ERC1: variants seen among roughly 807,000 people sequenced by gnomAD.
ERC1 encodes ELKS/RAB6-interacting/CAST family member 1, also known as RAB6 interacting protein 2.
Under a neutral mutation model 132.0 loss-of-function variants are expected in ERC1, and 56 were observed. The ratio of observed to expected loss-of-function variants is 0.42; its 90% CI spans 0.34 to 0.53. ERC1 has a LOEUF of 0.53. ERC1 is among the 20% of genes least tolerant of loss of function. ERC1 has a pLI of 0.03. For missense variants in ERC1, 1,202 were observed against 1,349.9 expected (o/e 0.89, Z 1.72); for synonymous variants, 478 against 476.1 (o/e 1.00, Z -0.05).
At chr12:1,096,113 A>G (rs1369739077) in intron 3 of ERC1, among the ~76,000 whole-genome samples, 2 of 152,038 alleles carry the variant, frequency 1.3e-5, no homozygotes, top group African/African-American at 4.8e-5. Context: ...TTTTTCATAG[A>G]GATGGGGATT....
At chr12:1,143,745 G>A (rs1474954084) in intron 8 of ERC1, among the ~76,000 whole-genome samples, 3 of 151,838 alleles carry the variant, frequency 2.0e-5, no homozygotes, top group African/African-American at 4.8e-5. Context: ...ATCTTTCCAT[G>A]AATTCATTTT....
At chr12:1,283,894 A>G (rs2078862176) in intron 14 of ERC1, among the ~76,000 whole-genome samples, 1 of 152,192 alleles carries the variant, frequency 6.6e-6, no homozygotes, top group Admixed American at 6.5e-5. Flanking sequence ...TCTAACATCT[A>G]TTATTTCCTT....
At chr12:1,096,070 A>G (rs114006832) in intron 3 of ERC1, among the ~76,000 whole-genome samples, 3,087 of 151,866 alleles carry the variant, frequency 0.02, 118 homozygotes, top group African/African-American at 0.069. Context: ...GGGACTACAC[A>G]TGAGCACCAC....
intron 2 of ERC1, among the ~76,000 whole-genome samples, chr12:1,039,350 A>AT (rs1565838834): frequency 6.8e-6 from 1 of 147,754 alleles, no homozygotes; most frequent in Non-Finnish European, 1.5e-5. Context: ...AAAAAAAAAA[A>AT]AATAAAAATA....
At chr12:1,233,950 G>T (rs961956484) in intron 12 of ERC1, among the ~76,000 whole-genome samples, 1 of 152,138 alleles carries the variant, frequency 6.6e-6, no homozygotes, top group Non-Finnish European at 1.5e-5. Flanking sequence ...TTGAGGAATT[G>T]TTAATTTTGT....
chr12:1,094,655 C>T (rs1943775445), intron 3 of ERC1, among the ~76,000 whole-genome samples: 2 of 152,184 alleles, frequency 1.3e-5, no homozygotes, highest in African/African-American at 4.8e-5. Context: ...AAGTGATTCG[C>T]TGGTCTTGGC....
intron 8 of ERC1, among the ~76,000 whole-genome samples, chr12:1,148,494 G>A (rs1321872630): frequency 6.6e-6 from 1 of 152,108 alleles, no homozygotes; most frequent in Admixed American, 6.5e-5. Flanking sequence ...ACACCACACT[G>A]CCCCAGTAAT....
At chr12:1,238,954 G>A (rs2075611882) in intron 13 of ERC1, among the ~76,000 whole-genome samples, 1 of 152,114 alleles carries the variant, frequency 6.6e-6, no homozygotes, top group African/African-American at 2.4e-5. Context: ...CCAAAGTTAT[G>A]AAAAAGATAG....
At chr12:1,112,651 G>T (rs1173893839) in intron 6 of ERC1, among the ~76,000 whole-genome samples, 1 of 152,134 alleles carries the variant, frequency 6.6e-6, no homozygotes, top group African/African-American at 2.4e-5. Context: ...AAGAATATAT[G>T]CAGTTGTTCT....
intron 8 of ERC1, among the ~76,000 whole-genome samples, chr12:1,159,269 G>A (rs1163295331): frequency 2.0e-5 from 3 of 152,096 alleles, no homozygotes; most frequent in African/African-American, 7.2e-5. Flanking sequence ...GACAGTTTTG[G>A]GATGAAACTG....
intron 15 of ERC1, among the ~76,000 whole-genome samples, chr12:1,303,216 A>G (rs757817107): frequency 1.2e-4 from 18 of 152,180 alleles, no homozygotes; most frequent in Non-Finnish European, 2.2e-4. Flanking sequence ...AGACAGTAAT[A>G]AAGTTGCCAC....
At chr12:1,161,993 T>G (rs924246657) in intron 8 of ERC1, among the ~76,000 whole-genome samples, 1 of 152,248 alleles carries the variant, frequency 6.6e-6, no homozygotes. Context: ...CTGAGCACAA[T>G]GGCAGTTATG....
At chr12:990,832 C>T (rs981335223), upstream of ERC1, among the ~76,000 whole-genome samples, 2 of 151,992 alleles carry the variant, frequency 1.3e-5, no homozygotes, top group East Asian at 3.9e-4. Context: ...AGCGGCTCCT[C>T]GGGCTTCCAG....
chr12:1,141,319 G>C (rs1949843719), intron 7 of ERC1, among the ~76,000 whole-genome samples: 1 of 151,986 alleles, frequency 6.6e-6, no homozygotes, highest in Admixed American at 6.6e-5. Flanking sequence ...AGCTTCACTT[G>C]GAAACTTGTT....
chr12:1,410,174 C>T (rs12312775), intron 17 of ERC1, among the ~76,000 whole-genome samples: 14,815 of 152,124 alleles, frequency 0.097, 1,460 homozygotes, highest in African/African-American at 0.25. Context: ...ATTTCATCCA[C>T]GGTTGGTTGA....
At chr12:1,013,317 T>G (rs1475529937) in intron 1 of ERC1, among the ~76,000 whole-genome samples, 1 of 152,120 alleles carries the variant, frequency 6.6e-6, no homozygotes, top group Non-Finnish European at 1.5e-5. Context: ...TCTAAGTATC[T>G]AGCTTGACAA....
At chr12:1,484,618 C>T (rs1261847461) in intron 18 of ERC1, among the ~76,000 whole-genome samples, 2 of 146,520 alleles carry the variant, frequency 1.4e-5, no homozygotes, top group African/African-American at 5.3e-5. Context: ...CTTGCTCTCG[C>T]CCAGGCTGGA....
intron 7 of ERC1, among the ~76,000 whole-genome samples, chr12:1,132,855 GT>G (rs143199706): frequency 0.078 from 11,358 of 145,056 alleles, 513 homozygotes; most frequent in Middle Eastern, 0.15. Context: ...AATAATGTGG[GT>G]TTTTTTTTTT....
At chr12:1,080,285 G>A (rs1941997463) in intron 2 of ERC1, among the ~76,000 whole-genome samples, 1 of 152,014 alleles carries the variant, frequency 6.6e-6, no homozygotes, top group South Asian at 2.1e-4. Flanking sequence ...TCCTCGTTCT[G>A]TCCCACTCCT....
Sources: gnomAD v4.1 joint callset for allele counts (sites outside exome capture counted in the v4.1 genomes callset) on GRCh38, gnomAD v4.1.1 for gene constraint, MANE v1.5 for transcripts, NCBI Gene and HGNC (gene_info 2026-07-23, HGNC 2026-07-21) for gene names.